The following PTPRK variants were observed in gnomAD, a reference collection of about 807,000 sequenced individuals.
The protein encoded by PTPRK is receptor-type tyrosine-protein phosphatase kappa.
A neutral mutation model predicts 178.0 loss-of-function variants in PTPRK; 75 were observed. That is an observed-to-expected ratio of 0.42 (90% CI 0.35 to 0.51). The LOEUF is 0.51. PTPRK is among the 20% of genes least tolerant of loss of function. PTPRK has a pLI of 0.02. For missense variants in PTPRK, 1,441 were observed against 1,797.8 expected (o/e 0.80, Z 3.59); for synonymous variants, 637 against 620.6 (o/e 1.03, Z -0.39).
intron 1 of PTPRK, among the ~76,000 whole-genome samples, chr6:128,423,643 G>C (rs1584648084): frequency 6.6e-6 from 1 of 151,816 alleles, no homozygotes; most frequent in African/African-American, 2.4e-5. Flanking sequence ...ACCTGACCAA[G>C]ATAGTGAAAC....
At chr6:128,139,577 A>G (rs1258415652) in intron 7 of PTPRK, among the ~76,000 whole-genome samples, 2 of 152,038 alleles carry the variant, frequency 1.3e-5, no homozygotes, top group African/African-American at 4.8e-5. Context: ...ATTACAGTCA[A>G]TGAAGTCAAT....
At chr6:128,118,683 T>C (rs935039936) in intron 7 of PTPRK, among the ~76,000 whole-genome samples, 1 of 152,222 alleles carries the variant, frequency 6.6e-6, no homozygotes, top group Non-Finnish European at 1.5e-5. Flanking sequence ...GACTCATTAA[T>C]AGATTTCATG....
intron 1 of PTPRK, among the ~76,000 whole-genome samples, chr6:128,437,771 G>A (rs1845781333): frequency 6.6e-6 from 1 of 152,200 alleles, no homozygotes; most frequent in Non-Finnish European, 1.5e-5. Context: ...CAGGGCTGAT[G>A]AGGGGGTGTA....
At chr6:128,259,130 C>T (rs2128292724) in intron 3 of PTPRK, among the ~76,000 whole-genome samples, 1 of 152,222 alleles carries the variant, frequency 6.6e-6, no homozygotes, top group South Asian at 2.1e-4. Context: ...TTTAGCAGTG[C>T]TTCCCAAATG....
intron 12 of PTPRK, 37 bp from the exon 13 acceptor site, chr6:128,064,831 T>G: frequency 6.5e-7 from 1 of 1,549,048 alleles, no homozygotes; most frequent in Non-Finnish European, 8.6e-7. Context: ...AGAGTCAATG[T>G]ACAGATAATG....
At chr6:128,150,955 GTTA>G (rs1380865083) in intron 7 of PTPRK, among the ~76,000 whole-genome samples, 1 of 152,068 alleles carries the variant, frequency 6.6e-6, no homozygotes, top group Non-Finnish European at 1.5e-5. Flanking sequence ...TAAAATGTCA[GTTA>G]TTATTACTGA....
At chr6:128,255,134 G>A (rs931667886) in intron 3 of PTPRK, among the ~76,000 whole-genome samples, 6 of 152,122 alleles carry the variant, frequency 3.9e-5, no homozygotes, top group African/African-American at 1.4e-4. Flanking sequence ...GGGACTACAG[G>A]CGCCCGCCAC....
In PTPRK at chr6:127,998,877, G is replaced by T. The variant is rs1777481864; in HGVS notation, c.2522C>A (p.Ser841Tyr). The change falls in exon 16 of 30, where the codon TCC becomes TAC. Residue 841 changes from serine (S) to tyrosine (Y), a missense_variant. This residue lies in a region of PTPRK where 945 missense variants were observed against 1,080.6 expected (regional missense o/e 0.87). Transcript: ENST00000368226. ...GCGAGGTACGTCTAGAAGGCGACTG[G>T]ACTCTGCTGTAGCACTGTGGTTCTC... is the stretch of plus-strand genomic sequence containing the variant. Reference protein sequence around the residue: ...RYENHSATAESSRLLDVPRYL... With the variant: ...RYENHSATAEYSRLLDVPRYL... 6.3e-7 allele frequency: 1 copy of T among 1,580,866 alleles called. No individual in the cohort carries two copies. The highest frequency in any genetic ancestry group is 8.6e-7 in the Non-Finnish European group (1 of 1,160,660).
intron 5 of PTPRK, among the ~76,000 whole-genome samples, chr6:128,219,964 T>C (rs1810094950): frequency 6.6e-6 from 1 of 152,226 alleles, no homozygotes; most frequent in African/African-American, 2.4e-5. Flanking sequence ...AGCCAATTTA[T>C]ACATTTTAGA....
chr6:128,363,185 T>C (rs1308557002), intron 2 of PTPRK, among the ~76,000 whole-genome samples: 2 of 152,120 alleles, frequency 1.3e-5, no homozygotes, highest in African/African-American at 4.8e-5. Flanking sequence ...CTGCTTGCAG[T>C]TAGATGGTAT....
chr6:128,467,216 G>A (rs1849969661), intron 1 of PTPRK, among the ~76,000 whole-genome samples: 1 of 152,038 alleles, frequency 6.6e-6, no homozygotes, highest in Non-Finnish European at 1.5e-5. Flanking sequence ...TGCCCAGGCT[G>A]GTCTCAAACT....
intron 1 of PTPRK, among the ~76,000 whole-genome samples, chr6:128,511,954 T>C (rs1251079603): frequency 6.6e-6 from 1 of 152,218 alleles, no homozygotes; most frequent in East Asian, 1.9e-4. Flanking sequence ...GCTCATATTG[T>C]TATTTTTGCA....
chr6:128,117,713 C>A (rs2114377066), intron 7 of PTPRK, among the ~76,000 whole-genome samples: 1 of 152,212 alleles, frequency 6.6e-6, no homozygotes, highest in Admixed American at 6.5e-5. Flanking sequence ...AGTACAGTGG[C>A]ATGATCTCAG....
chr6:128,090,796 T>G (rs1056431075), intron 7 of PTPRK, among the ~76,000 whole-genome samples: 2 of 152,306 alleles, frequency 1.3e-5, no homozygotes, highest in Middle Eastern at 6.8e-3. Flanking sequence ...GTAACTACTC[T>G]ATGAAACTCA....
chr6:127,987,724 A>G (rs887697012), intron 21 of PTPRK, among the ~76,000 whole-genome samples: 4 of 152,070 alleles, frequency 2.6e-5, no homozygotes, highest in Non-Finnish European at 5.9e-5. Flanking sequence ...AAAACTTCCA[A>G]AAATGTTTAA....
At chr6:128,329,233 G>A (rs753859055) in intron 2 of PTPRK, among the ~76,000 whole-genome samples, 3 of 152,080 alleles carry the variant, frequency 2.0e-5, no homozygotes, top group Non-Finnish European at 4.4e-5. Flanking sequence ...AGGGTATAAA[G>A]ATGTACTCTA....
chr6:128,152,953 C>A (rs1797484547), intron 7 of PTPRK, among the ~76,000 whole-genome samples: 1 of 151,896 alleles, frequency 6.6e-6, no homozygotes, highest in South Asian at 2.1e-4. Flanking sequence ...GGAACTCAAA[C>A]ATCTGCAGGA....
chr6:128,467,638 T>C (rs2128416395), intron 1 of PTPRK, among the ~76,000 whole-genome samples: 1 of 152,366 alleles, frequency 6.6e-6, no homozygotes, highest in African/African-American at 2.4e-5. Flanking sequence ...TTGGCTTCCA[T>C]TATGTAAACC....
chr6:128,045,622 G>A (rs7756639), intron 13 of PTPRK, among the ~76,000 whole-genome samples: 130,236 of 152,006 alleles, frequency 0.86, 56,004 homozygotes, highest in East Asian at 1. Flanking sequence ...ATTAAAATAT[G>A]GCAGGAAAAA....
Sources: gnomAD v4.1 joint callset for allele counts (sites outside exome capture counted in the v4.1 genomes callset) on GRCh38, gnomAD v4.1.1 for gene constraint, gnomAD v4.1.1 regional missense constraint, MANE v1.5 for transcripts, NCBI Gene and HGNC (gene_info 2026-07-23, HGNC 2026-07-21) for gene names.